YIPF5: variants seen among roughly 807,000 people sequenced by gnomAD.
The protein encoded by YIPF5 is protein YIPF5.
In YIPF5, 8 loss-of-function variants were observed where a neutral mutation model predicts 30.4. The observed-to-expected ratio is 0.26, with a 90% CI of 0.15 to 0.47. The LOEUF is 0.47. YIPF5 is among the 20% of genes least tolerant of loss of function. The pLI is 0.99. For synonymous variants in YIPF5, 104 were observed against 107.9 expected, an observed-to-expected ratio of 0.96 and a Z score of 0.23; for missense variants, 282 against 301.8, an observed-to-expected ratio of 0.93 and a Z score of 0.49.
Position 144,160,480 on chromosome 5 carries a change from A to C in YIPF5, c.691T>G (p.Leu231Val). 1 of 1,614,188 alleles carries C rather than the reference A, an allele frequency of 6.2e-7. No homozygotes were observed. The highest frequency in any genetic ancestry group is 8.5e-7 in the Non-Finnish European group (1 of 1,180,022). The change falls in exon 6 of 6, where the codon TTA becomes GTA. Residue 231 changes from leucine (L) to valine (V), a missense_variant. Transcript: ENST00000274496. ...FSASKIFISA[L>V]AMEGQQLLVA... ...AAAAGTTGCTGTCCTTCCATGGCTA[A>C]TGCAGAAATAAATATTTTGGAAGCA...
At chr5:144,161,190 C>T (rs886942783) in intron 5 of YIPF5, among the ~76,000 whole-genome samples, 1 of 152,146 alleles carries the variant, frequency 6.6e-6, no homozygotes, top group Non-Finnish European at 1.5e-5. Context: ...TCCTCCCAAA[C>T]CTCCACTTTA....
Position 144,158,808 on chromosome 5 carries a change from T to C in YIPF5, c.*1589A>G, listed in dbSNP as rs765491550. The C allele has an allele frequency of 2.5e-5, 25 of 985,932 alleles. No individual in the cohort carries two copies. Among genetic ancestry groups the C allele is most frequent in the Non-Finnish European group, 2.9e-5 (24 of 830,128 alleles). The allele number at this position is 985,932 out of a possible 1,614,324, so 61.1% of individuals were successfully genotyped here. ...AGAAAAACATACTTATGTGAATCAA[T>C]AAATATGTTATTTCTCTCAACCTCT... On this transcript the variant is annotated 3_prime_UTR_variant, in exon 6 of 6. Coordinates refer to ENST00000274496, the MANE Select transcript of YIPF5 (RefSeq NM_030799.9).
At chr5:144,166,814 A>G (rs56917947) in intron 2 of YIPF5, among the ~76,000 whole-genome samples, 141 of 152,258 alleles carry the variant, frequency 9.3e-4, no homozygotes, top group Middle Eastern at 3.4e-3. Context: ...TAATAAAAAG[A>G]TAATTCTTAC....
At chr5:144,163,407 C>T (rs188622455) in intron 4 of YIPF5, among the ~76,000 whole-genome samples, 170 of 152,234 alleles carry the variant, frequency 1.1e-3, no homozygotes, top group African/African-American at 3.3e-3. Flanking sequence ...TCTCACATAA[C>T]CTGTCTTGTT....
chr5:144,165,456 C>T lies in YIPF5; in HGVS notation c.259G>A (p.Glu87Lys), dbSNP rs1255193199. 8 of 1,614,098 alleles carry T rather than the reference C, an allele frequency of 5.0e-6. No individual in the cohort carries two copies. In the South Asian group the frequency reaches 6.6e-5, roughly 13 times the overall value. The change falls in exon 3 of 6, where the codon GAG becomes AAG. Residue 87 changes from glutamate (E) to lysine (K), a missense_variant. Coordinates refer to ENST00000274496, the MANE Select transcript of YIPF5 (RefSeq NM_030799.9). ...CCTTCTAATAAAGGTGGCTCATCCT[C>T]AAAGTTGTTTCCATAGAAAGGCTGA... is the stretch of plus-strand genomic sequence containing the variant. ...SPQPFYGNNF[E>K]DEPPLLEELG...
intron 5 of YIPF5, among the ~76,000 whole-genome samples, chr5:144,161,309 G>A (rs1217414377): frequency 6.8e-6 from 1 of 146,548 alleles, no homozygotes; most frequent in Non-Finnish European, 1.5e-5. Flanking sequence ...GAACCTTATT[G>A]GCGGTAATGT....
At position 144,159,980 on chromosome 5, in the gene YIPF5, T is replaced by A; in HGVS notation, c.*417A>T. On this transcript the variant is annotated 3_prime_UTR_variant, in exon 6 of 6. Coordinates refer to ENST00000274496, the MANE Select transcript of YIPF5 (RefSeq NM_030799.9). ...GCCTCGGCCTCCCAAAGTGCTGGGA[T>A]TACAGGCGTGAGCTACCACGCCCGG... is the stretch of plus-strand genomic sequence containing the variant. The A allele has an allele frequency of 1.0e-6, 1 of 986,070 alleles. No homozygotes were observed. Among genetic ancestry groups the A allele is most frequent in the Non-Finnish European group, 1.2e-6 (1 of 830,210 alleles). The allele number at this position is 986,070 out of a possible 1,614,324, so 61.1% of individuals were successfully genotyped here.
rs1317819314 is a variant in YIPF5, at chr5:144,159,443, C to CAA, written c.*953_*954insTT. 2 of 985,250 alleles carry CAA rather than the reference C, an allele frequency of 2.0e-6. No individual in the cohort carries two copies. The highest frequency in any genetic ancestry group is 2.3e-4 in the East Asian group (2 of 8,812). 61.0% of individuals were successfully genotyped at this position (985,250 alleles called of 1,614,324 possible). ...TAGCATTAATGCAACCATTCCAGGT[C>CAA]CCTAAGGTTGAGTTAACATTAATAT... On this transcript the variant is annotated 3_prime_UTR_variant, in exon 6 of 6. Transcript: ENST00000274496.
Position 144,160,227 on chromosome 5 carries a change from G to A in YIPF5, c.*170C>T, listed in dbSNP as rs573794810. ...ACCGCAGGTAAATCCAATATAGTAT[G>A]CAAAAGTTCTATAAAAATGAACAAG... is the stretch of plus-strand genomic sequence containing the variant. On this transcript the variant is annotated 3_prime_UTR_variant, in exon 6 of 6. Coordinates refer to ENST00000274496, the MANE Select transcript of YIPF5 (RefSeq NM_030799.9). 3 of 1,427,618 alleles carry A rather than the reference G, an allele frequency of 2.1e-6. No individual in the cohort carries two copies. The highest frequency in any genetic ancestry group is 2.7e-5 in the Admixed American group (1 of 36,402). 88.4% of individuals were successfully genotyped at this position (1,427,618 alleles called of 1,614,324 possible). A position where few individuals can be genotyped will look rare whatever the true frequency, so the allele number is the denominator to read the frequency against.
At position 144,159,864 on chromosome 5, in the gene YIPF5, G is replaced by C. The variant is rs1209087714; in HGVS notation, c.*533C>G. The C allele has an allele frequency of 1.6e-5, 9 of 561,160 alleles. No individual in the cohort carries two copies. Among genetic ancestry groups the C allele is most frequent in the Non-Finnish European group, 2.0e-5 (9 of 454,062 alleles). The allele number at this position is 561,160 out of a possible 1,614,324, so 34.8% of individuals were successfully genotyped here. Reference sequence around the variant, plus strand: ...TGGGACTACAGGCGCCCGCCACCACGCCCAGCTAATTTTTTTTGTAGTTTT... The same window carrying C: ...TGGGACTACAGGCGCCCGCCACCACCCCCAGCTAATTTTTTTTGTAGTTTT... On this transcript the variant is annotated 3_prime_UTR_variant, in exon 6 of 6. Coordinates refer to ENST00000274496, the MANE Select transcript of YIPF5 (RefSeq NM_030799.9).
chr5:144,160,175 T>C lies in YIPF5; in HGVS notation c.*222A>G. On this transcript the variant is annotated 3_prime_UTR_variant, in exon 6 of 6. Coordinates refer to ENST00000274496, the MANE Select transcript of YIPF5 (RefSeq NM_030799.9). ...AAAGAAATAGCATTTCTTATCTGTATAAACACAAACATTTAAAGCTAGTCA... is the reference window on the plus strand; with the variant it reads ...AAAGAAATAGCATTTCTTATCTGTACAAACACAAACATTTAAAGCTAGTCA... The C allele has an allele frequency of 7.9e-7, 1 of 1,273,572 alleles. No individual in the cohort carries two copies. Among genetic ancestry groups the C allele is most frequent in the Non-Finnish European group, 9.9e-7 (1 of 1,011,774 alleles). The allele number at this position is 1,273,572 out of a possible 1,614,324, so 78.9% of individuals were successfully genotyped here.
At chr5:144,169,400 G>A (rs1752296434) in intron 2 of YIPF5, among the ~76,000 whole-genome samples, 1 of 152,118 alleles carries the variant, frequency 6.6e-6, no homozygotes, top group Admixed American at 6.5e-5. Flanking sequence ...TTCGTAATAA[G>A]GAGCTTACAT....
intron 1 of YIPF5, 196 bp from the exon 2 acceptor site, chr5:144,170,161 T>C: frequency 1.8e-6 from 1 of 566,900 alleles, no homozygotes; most frequent in South Asian, 2.0e-5. Flanking sequence ...TCTTTTAAGT[T>C]GCGGCCCAGT....
chr5:144,162,356 A>G lies in YIPF5; in HGVS notation c.473T>C (p.Ile158Thr). 1 of 1,614,014 alleles carries G rather than the reference A, an allele frequency of 6.2e-7. No homozygotes were observed. Among genetic ancestry groups the G allele is most frequent in the Non-Finnish European group, 8.5e-7 (1 of 1,179,922 alleles). The change falls in exon 5 of 6, where the codon ATT becomes ACT. Residue 158 changes from isoleucine to threonine, a missense_variant. Physicochemically the swap from Ile to Thr is moderately conservative, Grantham distance 89. Coordinates refer to ENST00000274496, the MANE Select transcript of YIPF5 (RefSeq NM_030799.9). ...QFGYVYGISAIGCLGMFCLLN... is the reference protein window; with the variant it reads ...QFGYVYGISATGCLGMFCLLN... ...TAAACAAAACATTCCTAGACATCCA[A>G]TTGCACTGATCCCGTATACATAGCC...
chr5:144,159,681 AT>A lies in YIPF5; in HGVS notation c.*715del, dbSNP rs1751971991. ...TTCTTTCCTAAATCCTTGGAAAAAT[AT>A]TTTTGCAGTAAGTCTTGTGTCTCCT... is the stretch of plus-strand genomic sequence containing the variant. On this transcript the variant is annotated 3_prime_UTR_variant, in exon 6 of 6. Coordinates refer to ENST00000274496, the MANE Select transcript of YIPF5 (RefSeq NM_030799.9). The A allele has an allele frequency of 3.1e-6, 3 of 975,282 alleles. No individual in the cohort carries two copies. In the East Asian group the frequency reaches 3.5e-4, roughly 112 times the overall value. 60.4% of individuals were successfully genotyped at this position (975,282 alleles called of 1,614,324 possible).
chr5:144,168,129 C>T (rs10038078), intron 2 of YIPF5, among the ~76,000 whole-genome samples: 68,662 of 151,980 alleles, frequency 0.45, 16,398 homozygotes, highest in African/African-American at 0.61. Context: ...GCAATGCTTA[C>T]TGGTACATGA....
intron 2 of YIPF5, 150 bp downstream of exon 2, chr5:144,169,696 A>AT (rs1752308742): frequency 3.0e-6 from 2 of 663,504 alleles, no homozygotes; most frequent in Non-Finnish European, 5.0e-6. Flanking sequence ...CCAGTGTCAC[A>AT]TATCTCTCTA....
chr5:144,169,707 G>C (rs1752309399), intron 2 of YIPF5, 139 bp downstream of exon 2: 1 of 711,640 alleles, frequency 1.4e-6, no homozygotes, highest in East Asian at 2.7e-5. Flanking sequence ...TATCTCTCTA[G>C]AGGAAGAAGA....
intron 4 of YIPF5, chr5:144,163,862 A>G (rs1561513932): frequency 3.4e-6 from 1 of 293,214 alleles, no homozygotes; most frequent in Non-Finnish European, 6.1e-6. Flanking sequence ...GTTGTTTACT[A>G]TTTTTTTTTT....
Sources: allele counts gnomAD v4.1 joint callset (sites outside exome capture counted in the v4.1 genomes callset), GRCh38; gene constraint gnomAD v4.1.1; transcripts MANE v1.5; gene names NCBI Gene and HGNC (gene_info 2026-07-23, HGNC 2026-07-21).